WWC2: variants seen among roughly 807,000 people sequenced by gnomAD.
The protein encoded by WWC2 is WW and C2 domain containing 2.
In WWC2, 101 loss-of-function variants were observed where a neutral mutation model predicts 138.5. The ratio of observed to expected loss-of-function variants is 0.73; its 90% CI spans 0.62 to 0.86. The LOEUF (loss-of-function observed/expected upper bound fraction) is 0.86. Among genes scored for constraint, WWC2 ranks in the 40% least tolerant of loss-of-function variants. WWC2 has a pLI of 0.00. For synonymous variants in WWC2, 558 were observed against 538.4 expected (o/e 1.04, Z -0.50); for missense variants, 1,420 against 1,419.4 (o/e 1.00, Z -0.01).
At chr4:183,165,820 C>CA (rs1734114883) in intron 1 of WWC2, among the ~76,000 whole-genome samples, 1 of 152,068 alleles carries the variant, frequency 6.6e-6, no homozygotes, top group South Asian at 2.1e-4. Context: ...TACACTTGGA[C>CA]AAAAAATAAG....
rs1553976277 is a variant in WWC2 at position 183,280,842 on chromosome 4, C to G, written c.2629C>G (p.Gln877Glu). ...ELLAVEQELA[Q>E]EEEEESGQEE... ...GTTAGCTGTGGAACAAGAATTAGCACAAGAAGAAGAAGAAGAATCAGGACA... is the reference window on the plus strand; with the variant it reads ...GTTAGCTGTGGAACAAGAATTAGCAGAAGAAGAAGAAGAAGAATCAGGACA... The change falls in exon 17 of 23, where the codon CAA (glutamine) becomes GAA (glutamate). Residue 877 changes from glutamine (Q) to glutamate (E), a missense_variant. Gln to Glu is a conservative substitution (Grantham distance 29). Transcript: ENST00000403733. 6.3e-7 allele frequency: 1 copy of G among 1,594,506 alleles called. No homozygotes were observed. The highest frequency in any genetic ancestry group is 1.1e-5 in the South Asian group (1 of 87,550).
chr4:183,293,559 CA>C (rs1738531497), intron 21 of WWC2, among the ~76,000 whole-genome samples: 1 of 152,098 alleles, frequency 6.6e-6, no homozygotes, highest in Non-Finnish European at 1.5e-5. Flanking sequence ...AAATCAAACA[CA>C]AGACATTCAA....
intron 3 of WWC2, among the ~76,000 whole-genome samples, chr4:183,208,513 A>G (rs542129858): frequency 6.6e-6 from 1 of 152,294 alleles, no homozygotes; most frequent in South Asian, 2.1e-4. Context: ...ACTATTACCT[A>G]GAGTGTAATT....
At chr4:183,106,824 G>A (rs1743376571) in intron 1 of WWC2, among the ~76,000 whole-genome samples, 1 of 151,680 alleles carries the variant, frequency 6.6e-6, no homozygotes, top group Non-Finnish European at 1.5e-5. Context: ...ACTTTCATTA[G>A]CTGATGTGCA....
chr4:183,188,164 A>G (rs10446835), intron 1 of WWC2, among the ~76,000 whole-genome samples: 21,934 of 152,170 alleles, frequency 0.14, 1,765 homozygotes, highest in East Asian at 0.24. Context: ...GAGCCTCCAG[A>G]TGTTGCCAAG....
intron 21 of WWC2, among the ~76,000 whole-genome samples, chr4:183,304,780 C>A (rs1433075726): frequency 6.6e-6 from 1 of 152,180 alleles, no homozygotes; most frequent in Non-Finnish European, 1.5e-5. Flanking sequence ...TTCTTTACCC[C>A]CATCTTACCA....
At chr4:183,305,893 C>CT (rs1739010889) in intron 21 of WWC2, among the ~76,000 whole-genome samples, 2 of 152,082 alleles carry the variant, frequency 1.3e-5, no homozygotes, top group Non-Finnish European at 2.9e-5. Flanking sequence ...ATAAATAATT[C>CT]TAAGTAATGA....
intron 4 of WWC2, among the ~76,000 whole-genome samples, chr4:183,239,529 T>C (rs756648026): frequency 3.9e-5 from 6 of 152,238 alleles, no homozygotes; most frequent in African/African-American, 7.2e-5. Flanking sequence ...CAAATATTTA[T>C]TGATCATCTG....
chr4:183,103,719 C>G (rs1743260024), intron 1 of WWC2, among the ~76,000 whole-genome samples: 1 of 148,900 alleles, frequency 6.7e-6, no homozygotes, highest in African/African-American at 2.5e-5. Context: ...CTCACTGCAA[C>G]CTCCGCCGCC....
At chr4:183,248,459 G>A (rs988998887) in intron 6 of WWC2, among the ~76,000 whole-genome samples, 6 of 152,106 alleles carry the variant, frequency 3.9e-5, no homozygotes, top group African/African-American at 1.4e-4. Flanking sequence ...TAAAGATACC[G>A]TTCATAGGAA....
intron 1 of WWC2, among the ~76,000 whole-genome samples, chr4:183,163,797 TA>T (rs1479235319): frequency 6.6e-6 from 1 of 152,128 alleles, no homozygotes; most frequent in African/African-American, 2.4e-5. Flanking sequence ...TTCTAGGTCA[TA>T]ATACAAAAGT....
chr4:183,295,200 T>C (rs954231564), intron 21 of WWC2, among the ~76,000 whole-genome samples: 1 of 152,172 alleles, frequency 6.6e-6, no homozygotes, highest in Non-Finnish European at 1.5e-5. Flanking sequence ...CAGCCTGGAG[T>C]GTAAACTCCC....
chr4:183,269,299 T>C (rs965071196), intron 15 of WWC2, 136 bp downstream of exon 15: 6 of 867,988 alleles, frequency 6.9e-6, no homozygotes, highest in Non-Finnish European at 1.1e-5. Context: ...ATCTAGTGTT[T>C]GTTCATTTTT....
chr4:183,209,355 G>A (rs1046801155), intron 4 of WWC2, among the ~76,000 whole-genome samples: 1 of 152,136 alleles, frequency 6.6e-6, no homozygotes, highest in African/African-American at 2.4e-5. Flanking sequence ...AGCCTCCAGA[G>A]TAGCTGGGAT....
chr4:183,245,705 T>C (rs1652855389), intron 6 of WWC2, among the ~76,000 whole-genome samples, 160 bp downstream of exon 6: 1 of 152,156 alleles, frequency 6.6e-6, no homozygotes, highest in Non-Finnish European at 1.5e-5. Flanking sequence ...GGCACAAAGG[T>C]AGCCTGCTGC....
intron 1 of WWC2, among the ~76,000 whole-genome samples, chr4:183,112,518 C>G (rs1041661681): frequency 6.6e-6 from 1 of 152,218 alleles, no homozygotes; most frequent in Non-Finnish European, 1.5e-5. Context: ...ACTGACTTCA[C>G]CACCTAGTCA....
intron 1 of WWC2, among the ~76,000 whole-genome samples, chr4:183,180,733 A>G (rs556469420): frequency 3.6e-4 from 54 of 152,048 alleles, no homozygotes; most frequent in Non-Finnish European, 7.1e-4. Context: ...GCTAGACACA[A>G]GAAACCACAA....
chr4:183,230,671 ACT>A (rs1165921757), intron 4 of WWC2, among the ~76,000 whole-genome samples: 68 of 151,954 alleles, frequency 4.5e-4, no homozygotes, highest in African/African-American at 1.5e-3. Context: ...CAAGAGCAAA[ACT>A]CTGTCTAAAA....
intron 1 of WWC2, among the ~76,000 whole-genome samples, chr4:183,127,630 A>G (rs1319497225): frequency 6.6e-6 from 1 of 152,128 alleles, no homozygotes; most frequent in Non-Finnish European, 1.5e-5. Flanking sequence ...AAATGAGTAG[A>G]TTGTAGCTTC....
Sources: gnomAD v4.1 joint callset for allele counts (sites outside exome capture counted in the v4.1 genomes callset) on GRCh38, gnomAD v4.1.1 for gene constraint, MANE v1.5 for transcripts, NCBI Gene and HGNC (gene_info 2026-07-23, HGNC 2026-07-21) for gene names.